ZNF518A: variants seen among roughly 807,000 people sequenced by gnomAD.
ZNF518A encodes zinc finger protein 518A.
ZNF518A carries 47 observed loss-of-function variants against 102.7 expected under a neutral mutation model. The ratio of observed to expected loss-of-function variants is 0.46; its 90% CI spans 0.36 to 0.58. ZNF518A has a LOEUF of 0.58. ZNF518A is among the 20% of genes least tolerant of loss of function. The probability of loss-of-function intolerance (pLI) is 0.00; values close to 1 mark genes in which losing one functional copy is unlikely to be tolerated. For synonymous variants in ZNF518A, 652 were observed against 594.6 expected (o/e 1.10, Z -1.40); for missense variants, 1,793 against 1,699.8 (o/e 1.05, Z -0.96).
intron 3 of ZNF518A, among the ~76,000 whole-genome samples, chr10:96,148,958 G>T (rs587614960): frequency 2.0e-5 from 3 of 152,088 alleles, no homozygotes; most frequent in Non-Finnish European, 2.9e-5. Flanking sequence ...CTGGTGATCT[G>T]CCCGCCTCGG....
At position 96,163,171 on chromosome 10, in the gene ZNF518A, C is replaced by A. The variant is rs587775893; in HGVS notation, c.*2397C>A. ...CTTCTTGCCTTTAAGTTTTAACAGC[C>A]ATTTAAAGTAAGCTTTGTGCTCCAG... On this transcript the variant is annotated 3_prime_UTR_variant, in exon 6 of 6. Transcript: ENST00000316045. 1 of 167,082 alleles carries A rather than the reference C, an allele frequency of 6.0e-6. No individual in the cohort carries two copies. The highest frequency in any genetic ancestry group is 2.1e-4 in the South Asian group (1 of 4,824). The allele number at this position is 167,082 out of a possible 1,614,324, so 10.3% of individuals were successfully genotyped here. A position where few individuals can be genotyped will look rare whatever the true frequency, so the allele number is the denominator to read the frequency against.
chr10:96,173,615 C>T (rs1051597158), intron 1 of ZNF518A, among the ~76,000 whole-genome samples: 3 of 151,968 alleles, frequency 2.0e-5, no homozygotes, highest in Non-Finnish European at 4.4e-5. Context: ...ATAACAGAAC[C>T]ACAAAATCCA....
intron 1 of ZNF518A, chr10:96,196,936 G>C: frequency 6.2e-7 from 1 of 1,613,270 alleles, no homozygotes; most frequent in Non-Finnish European, 8.5e-7. Flanking sequence ...TCTGCCCAAG[G>C]CATATTGTTT....
chr10:96,138,125 C>T (rs920110370), intron 3 of ZNF518A, among the ~76,000 whole-genome samples: 1 of 152,180 alleles, frequency 6.6e-6, no homozygotes, highest in Admixed American at 6.5e-5. Context: ...CCACCATCAA[C>T]TCTTACTTGG....
At chr10:96,191,254 T>A (rs965725919) in intron 1 of ZNF518A, among the ~76,000 whole-genome samples, 28 of 148,016 alleles carry the variant, frequency 1.9e-4, no homozygotes, top group Admixed American at 1.0e-3. Context: ...TTTTTTTTTT[T>A]ATGTAAATCA....
chr10:96,150,696 T>C (rs1256618478), intron 3 of ZNF518A, among the ~76,000 whole-genome samples: 1 of 150,038 alleles, frequency 6.7e-6, no homozygotes, highest in African/African-American at 2.4e-5. Context: ...ACTTGATTTT[T>C]TTTTAAGTTT....
intron 3 of ZNF518A, among the ~76,000 whole-genome samples, chr10:96,150,218 C>A (rs1019033834): frequency 1.5e-4 from 23 of 151,338 alleles, no homozygotes; most frequent in Non-Finnish European, 8.8e-5. Flanking sequence ...CCTGTAGTCC[C>A]AGCTATTCGG....
intron 1 of ZNF518A, chr10:96,189,790 G>T (rs587717292): frequency 4.5e-5 from 41 of 916,456 alleles, no homozygotes; most frequent in Admixed American, 3.7e-4. Context: ...CACCTCCAGG[G>T]ACAGATCACT....
At position 96,158,027 on chromosome 10, in the gene ZNF518A, A is replaced by T; in HGVS notation, c.1705A>T (p.Lys569Ter). 6.2e-7 allele frequency: 1 copy of T among 1,613,844 alleles called. No individual in the cohort carries two copies. Among genetic ancestry groups the T allele is most frequent in the Non-Finnish European group, 8.5e-7 (1 of 1,179,804 alleles). ...LVTASVNLTT[K>*]FETRDNVDFW... ...TACAGCATCAGTGAATTTGACCACA[A>T]AATTTGAAACAAGAGATAATGTTGA... The change falls in exon 6 of 6, where the codon AAA becomes TAA. Residue 569 changes from lysine (K) to a stop codon, truncating the protein, a stop_gained. Coordinates refer to ENST00000316045, the MANE Select transcript of ZNF518A (RefSeq NM_001330736.2). LOFTEE classifies it high-confidence loss of function.
At chr10:96,179,247 A>C (rs933605470) in intron 1 of ZNF518A, among the ~76,000 whole-genome samples, 1 of 152,212 alleles carries the variant, frequency 6.6e-6, no homozygotes, top group Non-Finnish European at 1.5e-5. Context: ...TTCACAATAC[A>C]TATGTCTGTC....
chr10:96,133,248 A>G (rs2081429752), intron 2 of ZNF518A, among the ~76,000 whole-genome samples: 1 of 152,220 alleles, frequency 6.6e-6, no homozygotes, highest in Admixed American at 6.5e-5. Flanking sequence ...TCAAAGCTAT[A>G]TGAATGGCCA....
Position 96,159,083 on chromosome 10 carries a change from C to G in ZNF518A, c.2761C>G (p.Leu921Val). Residue 921 changes from leucine to valine, a missense_variant, in exon 6 of 6, where the codon CTT (leucine) becomes GTT (valine). Around this residue, in one of 3 missense-constraint regions of ZNF518A, gnomAD observed 1,741 missense variants for 1,622.6 expected, o/e 1.07. Coordinates refer to ENST00000316045, the MANE Select transcript of ZNF518A (RefSeq NM_001330736.2). ...NLGSFYMQSP[L>V]LNSEQKKTII... The stretch of plus-strand genomic sequence containing the variant: ...AGGTTCTTTTTATATGCAGAGTCCA[C>G]TTTTAAATTCAGAACAAAAAAAAAC... 6.2e-7 allele frequency: 1 copy of G among 1,612,330 alleles called. No individual in the cohort carries two copies. The highest frequency in any genetic ancestry group is 8.5e-7 in the Non-Finnish European group (1 of 1,179,442).
rs2081264343 is a variant in ZNF518A, at chr10:96,130,401, T to G, written c.-804T>G. 6.6e-6 allele frequency among the ~76,000 whole-genome samples: 1 copy of G among 152,240 alleles called. No homozygotes were observed. Among genetic ancestry groups the G allele is most frequent in the Non-Finnish European group, 1.5e-5 (1 of 68,042 alleles). ...TTTCTTAACCTGGGGTTGTTTTACT[T>G]CCGGGCTTTTTGAACTCTACACTCT... On this transcript the variant is annotated 5_prime_UTR_variant, in exon 1 of 6. Coordinates refer to ENST00000316045, the MANE Select transcript of ZNF518A (RefSeq NM_001330736.2).
At position 96,156,462 on chromosome 10, in the gene ZNF518A, A is replaced by C. The variant is rs782735711; in HGVS notation, c.140A>C (p.Asn47Thr). ...ISGSIHYALKNVKIDLPKINI... is the reference protein window; with the variant it reads ...ISGSIHYALKTVKIDLPKINI... ...GGAAGTATTCATTATGCACTAAAAAATGTGAAAATTGATTTGCCAAAAATA... is the reference window on the plus strand; with the variant it reads ...GGAAGTATTCATTATGCACTAAAAACTGTGAAAATTGATTTGCCAAAAATA... Residue 47 changes from asparagine to threonine, a missense_variant, in exon 6 of 6, where the codon AAT becomes ACT. Asn to Thr is a moderately conservative substitution (Grantham distance 65). Transcript: ENST00000316045. 1 of 1,613,100 alleles carries C rather than the reference A, an allele frequency of 6.2e-7. No individual in the cohort carries two copies. Among genetic ancestry groups the C allele is most frequent in the Non-Finnish European group, 8.5e-7 (1 of 1,179,624 alleles).
intron 3 of ZNF518A, among the ~76,000 whole-genome samples, chr10:96,140,315 C>A (rs2133262934): frequency 6.6e-6 from 1 of 152,244 alleles, no homozygotes; most frequent in East Asian, 1.9e-4. Context: ...GGGAGTGTAA[C>A]TTCTAATCAT....
chr10:96,188,651 A>G (rs1459953569), intron 1 of ZNF518A, among the ~76,000 whole-genome samples: 1 of 152,236 alleles, frequency 6.6e-6, no homozygotes, highest in Non-Finnish European at 1.5e-5. Flanking sequence ...CCCAGTTTAA[A>G]TTGTGAGTCA....
intron 1 of ZNF518A, among the ~76,000 whole-genome samples, chr10:96,179,552 C>G (rs923435258): frequency 6.6e-6 from 1 of 152,128 alleles, no homozygotes; most frequent in East Asian, 1.9e-4. Flanking sequence ...AGTACACCCA[C>G]TTTATAAACA....
In ZNF518A at chr10:96,161,940, GTT is replaced by G. The variant is rs1164455273; in HGVS notation, c.*1169_*1170del. The stretch of plus-strand genomic sequence containing the variant: ...ATTCCTAAGGGACATGCCCAACAGA[GTT>G]TTAAAATGGATGTTTTCATGATGAC... On this transcript the variant is annotated 3_prime_UTR_variant, in exon 6 of 6. Transcript: ENST00000316045. 1 of 166,868 alleles carries G rather than the reference GTT, an allele frequency of 6.0e-6. No individual in the cohort carries two copies. The allele number at this position is 166,868 out of a possible 1,614,324, so 10.3% of individuals were successfully genotyped here.
In ZNF518A at chr10:96,156,058, C is replaced by G; in HGVS notation, c.-127+11C>G. 4.8e-6 allele frequency: 1 copy of G among 206,492 alleles called. No homozygotes were observed. The highest frequency in any genetic ancestry group is 5.8e-5 in the Admixed American group (1 of 17,304). 12.8% of individuals were successfully genotyped at this position (206,492 alleles called of 1,614,324 possible). On this transcript the variant is annotated intron_variant, in intron 5 of 5. Coordinates refer to ENST00000316045, the MANE Select transcript of ZNF518A (RefSeq NM_001330736.2). ...AACTATTACTTCTTGGTAAGCTGTTCTTAAAATACTTAAAAAGTCTTTTGT... is the reference window on the plus strand; with the variant it reads ...AACTATTACTTCTTGGTAAGCTGTTGTTAAAATACTTAAAAAGTCTTTTGT...
Sources: allele counts gnomAD v4.1 joint callset (sites outside exome capture counted in the v4.1 genomes callset), GRCh38; gene constraint gnomAD v4.1.1; regional missense constraint gnomAD v4.1.1; transcripts MANE v1.5; gene names NCBI Gene and HGNC (gene_info 2026-07-23, HGNC 2026-07-21).